The following FOXO3 variants were observed in gnomAD, a reference collection of about 807,000 sequenced individuals.
FOXO3 encodes the protein forkhead box O3.
FOXO3 carries 4 observed loss-of-function variants against 41.9 expected under a neutral mutation model. The ratio of observed to expected loss-of-function variants is 0.10; its 90% CI spans 0.05 to 0.22. The LOEUF is 0.22. Ranked by LOEUF, FOXO3 falls within the 10% of genes least tolerant of loss-of-function variation. FOXO3 has a pLI of 1.00. For missense variants in FOXO3, 534 were observed against 906.8 expected (o/e 0.59, Z 5.28); for synonymous variants, 318 against 389.3 (o/e 0.82, Z 2.16).
intron 1 of FOXO3, among the ~76,000 whole-genome samples, chr6:108,606,053 G>A (rs900505846): frequency 1.3e-5 from 2 of 152,140 alleles, no homozygotes; most frequent in African/African-American, 4.8e-5. Context: ...AATAGTTTGT[G>A]CCACAAAGAA....
chr6:108,639,164 C>T (rs1332760794), intron 1 of FOXO3, among the ~76,000 whole-genome samples: 2 of 152,192 alleles, frequency 1.3e-5, no homozygotes, highest in Non-Finnish European at 2.9e-5. Context: ...CTTCTCTGAC[C>T]TGAAAATAGA....
intron 1 of FOXO3, among the ~76,000 whole-genome samples, chr6:108,568,990 C>A (rs892270188): frequency 3.9e-5 from 6 of 152,224 alleles, no homozygotes; most frequent in African/African-American, 1.2e-4. Flanking sequence ...TTTGTATCAT[C>A]AACATGCAGT....
intron 1 of FOXO3, among the ~76,000 whole-genome samples, chr6:108,589,580 T>G (rs1407506167): frequency 6.6e-6 from 1 of 152,224 alleles, no homozygotes; most frequent in Non-Finnish European, 1.5e-5. Flanking sequence ...GGGTTTCCAG[T>G]GCAGACTTGC....
At chr6:108,631,408 A>AT (rs1738514081) in intron 1 of FOXO3, among the ~76,000 whole-genome samples, 2 of 152,100 alleles carry the variant, frequency 1.3e-5, no homozygotes, top group African/African-American at 4.8e-5. Flanking sequence ...ACACTTGGTC[A>AT]TTTCCACCTC....
At chr6:108,595,937 T>C (rs1205533472) in intron 1 of FOXO3, among the ~76,000 whole-genome samples, 2 of 152,208 alleles carry the variant, frequency 1.3e-5, no homozygotes, top group African/African-American at 4.8e-5. Flanking sequence ...TGAGATTCAG[T>C]AAGAAATATT....
At chr6:108,587,275 T>C (rs1484362016) in intron 1 of FOXO3, among the ~76,000 whole-genome samples, 5 of 152,110 alleles carry the variant, frequency 3.3e-5, no homozygotes, top group Non-Finnish European at 7.4e-5. Flanking sequence ...TTCTCACCTC[T>C]ACCAGGGTCT....
chr6:108,644,948 A>G (rs899158924), intron 1 of FOXO3, among the ~76,000 whole-genome samples: 3 of 152,172 alleles, frequency 2.0e-5, no homozygotes, highest in African/African-American at 7.2e-5. Context: ...TCTATGAATG[A>G]GACCAGGGAC....
chr6:108,633,427 A>G (rs1778030088), intron 1 of FOXO3, among the ~76,000 whole-genome samples: 1 of 152,162 alleles, frequency 6.6e-6, no homozygotes, highest in Non-Finnish European at 1.5e-5. Flanking sequence ...ATTATCAAGA[A>G]TGTAGCACTT....
intron 2 of FOXO3, among the ~76,000 whole-genome samples, chr6:108,670,439 C>T (rs979871876): frequency 6.6e-6 from 1 of 151,058 alleles, no homozygotes; most frequent in South Asian, 2.1e-4. Flanking sequence ...AAATGTTTCT[C>T]GGAATACTAG....
At chr6:108,640,973 G>A (rs1484374123) in intron 1 of FOXO3, among the ~76,000 whole-genome samples, 1 of 152,076 alleles carries the variant, frequency 6.6e-6, no homozygotes, top group Non-Finnish European at 1.5e-5. Context: ...GAGTGCAATG[G>A]CGCAATCTTG....
At chr6:108,618,378 A>G (rs1777573669) in intron 1 of FOXO3, 1 of 527,632 alleles carries the variant, frequency 1.9e-6, no homozygotes, top group Admixed American at 3.1e-5. Context: ...GAGCCACAGA[A>G]GAAGGAGGCA....
chr6:108,670,447 T>C (rs1292582725), intron 2 of FOXO3, among the ~76,000 whole-genome samples: 3 of 151,490 alleles, frequency 2.0e-5, no homozygotes, highest in Non-Finnish European at 4.4e-5. Flanking sequence ...CTCGGAATAC[T>C]AGATCCTCAA....
At chr6:108,591,445 A>C (rs905147930) in intron 1 of FOXO3, among the ~76,000 whole-genome samples, 11 of 152,202 alleles carry the variant, frequency 7.2e-5, no homozygotes, top group African/African-American at 2.7e-4. Flanking sequence ...ATCTCATTAC[A>C]TCCTTCTGAT....
intron 1 of FOXO3, among the ~76,000 whole-genome samples, chr6:108,587,378 G>C (rs1360468574): frequency 3.9e-5 from 6 of 152,192 alleles, no homozygotes; most frequent in Non-Finnish European, 8.8e-5. Flanking sequence ...GTCCCAAATT[G>C]CTCAAGGGAG....
intron 1 of FOXO3, among the ~76,000 whole-genome samples, chr6:108,608,300 C>A (rs1777265743): frequency 6.6e-6 from 1 of 152,204 alleles, no homozygotes; most frequent in Non-Finnish European, 1.5e-5. Flanking sequence ...AAGTGACGCT[C>A]TCACTTTATT....
intron 1 of FOXO3, among the ~76,000 whole-genome samples, chr6:108,622,720 A>G (rs1582789064): frequency 6.6e-6 from 1 of 151,898 alleles, no homozygotes; most frequent in Non-Finnish European, 1.5e-5. Context: ...CTGATCTTAC[A>G]CATCAGTTTC....
In FOXO3 at chr6:108,623,963, T is replaced by C. The variant is rs867952730; in HGVS notation, c.622-39492T>C. On this transcript the variant is annotated intron_variant, in intron 1 of 2. Coordinates refer to ENST00000406360, the MANE Select transcript of FOXO3 (RefSeq NM_001455.4). Reference sequence around the variant, plus strand: ...TCGTATTTCTCAGCGAAAATAAGTATTAAGTTAATGGACAAGTAGCAGTCC... The same window carrying C: ...TCGTATTTCTCAGCGAAAATAAGTACTAAGTTAATGGACAAGTAGCAGTCC... 2.0e-5 allele frequency among the ~76,000 whole-genome samples: 3 copies of C among 152,230 alleles called. No homozygotes were observed. The South Asian group carries it at 6.2e-4, about 31-fold the overall frequency.
intron 1 of FOXO3, among the ~76,000 whole-genome samples, chr6:108,598,051 T>G (rs1466835918): frequency 1.3e-5 from 2 of 152,152 alleles, no homozygotes; most frequent in African/African-American, 4.8e-5. Flanking sequence ...AGAAAAAACT[T>G]AATAAAAACA....
intron 1 of FOXO3, among the ~76,000 whole-genome samples, chr6:108,659,479 G>A (rs925634755): frequency 6.6e-5 from 10 of 152,142 alleles, no homozygotes; most frequent in African/African-American, 2.4e-4. Context: ...AGTAGCTGTG[G>A]GACCTTGCAT....
Sources: allele counts gnomAD v4.1 joint callset (sites outside exome capture counted in the v4.1 genomes callset), GRCh38; gene constraint gnomAD v4.1.1; transcripts MANE v1.5; gene names NCBI Gene and HGNC (gene_info 2026-07-23, HGNC 2026-07-21).